NRXN3: variants seen among roughly 807,000 people sequenced by gnomAD.
NRXN3 encodes the protein neurexin 3, also known as neurexin III.
In NRXN3, 32 loss-of-function variants were observed where a neutral mutation model predicts 137.6. The ratio of observed to expected loss-of-function variants is 0.23; its 90% CI spans 0.18 to 0.31. The LOEUF is 0.31. Among genes scored for constraint, NRXN3 ranks in the 10% least tolerant of loss-of-function variants. The pLI, the probability that NRXN3 is intolerant of heterozygous loss-of-function variation, is 1.00. For missense variants in NRXN3, 1,574 were observed against 2,062.5 expected (o/e 0.76, Z 4.59); for synonymous variants, 798 against 784.5 (o/e 1.02, Z -0.29).
At chr14:79,359,679 T>G (rs2093617172) in intron 15 of NRXN3, among the ~76,000 whole-genome samples, 1 of 151,512 alleles carries the variant, frequency 6.6e-6, no homozygotes, top group African/African-American at 2.4e-5. Context: ...CAAGTGATTC[T>G]CCTGCCTCAG....
At chr14:79,355,257 C>T (rs1272182109) in intron 15 of NRXN3, among the ~76,000 whole-genome samples, 1 of 143,100 alleles carries the variant, frequency 7.0e-6, no homozygotes, top group Middle Eastern at 3.2e-3. Context: ...CTGTCCCCCA[C>T]CCCCTTCCTT....
intron 17 of NRXN3, among the ~76,000 whole-genome samples, chr14:79,691,225 T>C (rs2098715371): frequency 6.6e-6 from 1 of 152,046 alleles, no homozygotes; most frequent in African/African-American, 2.4e-5. Flanking sequence ...ATACTGGCAG[T>C]TAAAACCACT....
At chr14:78,282,129 G>C (rs567668881) in intron 3 of NRXN3, 1 of 502,858 alleles carries the variant, frequency 2.0e-6, no homozygotes, top group African/African-American at 1.9e-5. Flanking sequence ...CCCATTTGTG[G>C]CCTGGCAGGG....
chr14:78,579,534 T>TA (rs201034587), intron 4 of NRXN3, among the ~76,000 whole-genome samples: 161 of 137,808 alleles, frequency 1.2e-3, no homozygotes, highest in African/African-American at 1.6e-3. Flanking sequence ...TGGTGGTGGT[T>TA]AAAAAAAAAA....
chr14:78,238,480 C>T (rs1308470792), intron 1 of NRXN3, among the ~76,000 whole-genome samples: 1 of 152,172 alleles, frequency 6.6e-6, no homozygotes, highest in African/African-American at 2.4e-5. Flanking sequence ...GTCTAGCATG[C>T]CCCACCAGAG....
intron 15 of NRXN3, among the ~76,000 whole-genome samples, chr14:79,421,766 A>G (rs938764367): frequency 1.3e-5 from 2 of 152,200 alleles, no homozygotes; most frequent in African/African-American, 4.8e-5. Context: ...ACTTGCCCCA[A>G]TGCCACCTTT....
At chr14:78,947,252 T>C (rs1428041273) in intron 10 of NRXN3, among the ~76,000 whole-genome samples, 1 of 152,192 alleles carries the variant, frequency 6.6e-6, no homozygotes, top group Non-Finnish European at 1.5e-5. Flanking sequence ...GGCCTTGTAA[T>C]TACCATGCCA....
chr14:79,650,381 C>T (rs536512370), intron 16 of NRXN3, among the ~76,000 whole-genome samples: 1 of 152,240 alleles, frequency 6.6e-6, no homozygotes, highest in South Asian at 2.1e-4. Context: ...TTTCTCATTT[C>T]TCTTTTGTCC....
chr14:79,655,296 G>A (rs926784168), intron 16 of NRXN3, among the ~76,000 whole-genome samples: 2 of 152,154 alleles, frequency 1.3e-5, no homozygotes, highest in East Asian at 3.9e-4. Flanking sequence ...GCCACTTTCT[G>A]GCTCTGTGAG....
chr14:79,204,399 T>C (rs935207529), intron 15 of NRXN3, among the ~76,000 whole-genome samples: 5 of 151,906 alleles, frequency 3.3e-5, no homozygotes, highest in Admixed American at 1.3e-4. Flanking sequence ...AGGGATTTTA[T>C]GAAAAATTCC....
chr14:79,065,399 G>A (rs2099679538), intron 15 of NRXN3, among the ~76,000 whole-genome samples: 1 of 152,100 alleles, frequency 6.6e-6, no homozygotes, highest in African/African-American at 2.4e-5. Flanking sequence ...TGGACTTTAG[G>A]GTGGAACTGG....
rs1335092342 is a variant in NRXN3 at position 78,420,539 on chromosome 14, C to T, written c.757+122679C>T. ...CATTTACACTCCTCACCTTTCAGTG[C>T]TATCATTTGTTGCATTTGGGAACAA... On this transcript the variant is annotated intron_variant, in intron 4 of 20. Coordinates refer to ENST00000335750, the MANE Select transcript of NRXN3 (RefSeq NM_001330195.2). Among the ~76,000 whole-genome samples, 4 of 152,162 alleles carry T rather than the reference C, an allele frequency of 2.6e-5. 1 individual carries two copies. Among genetic ancestry groups the T allele is most frequent in the Middle Eastern group, 6.3e-3 (2 of 316 alleles).
intron 1 of NRXN3, among the ~76,000 whole-genome samples, chr14:78,171,408 C>T (rs2058713729): frequency 6.6e-6 from 1 of 151,794 alleles, no homozygotes; most frequent in Non-Finnish European, 1.5e-5. Context: ...AATCTTCCTC[C>T]ACTGCCTTCC....
intron 15 of NRXN3, among the ~76,000 whole-genome samples, chr14:79,004,254 A>C (rs60089514): frequency 0.049 from 7,407 of 152,056 alleles, 650 homozygotes; most frequent in African/African-American, 0.17. Context: ...TAGTGTTGAT[A>C]ATTTCTTTCT....
At chr14:78,556,735 T>C (rs2096740163) in intron 4 of NRXN3, among the ~76,000 whole-genome samples, 1 of 152,040 alleles carries the variant, frequency 6.6e-6, no homozygotes. Context: ...AACTTTAAGC[T>C]CCACTGAATT....
intron 15 of NRXN3, among the ~76,000 whole-genome samples, chr14:79,353,641 T>C (rs1262625599): frequency 2.0e-5 from 3 of 152,166 alleles, no homozygotes; most frequent in Admixed American, 6.5e-5. Flanking sequence ...ATAAGTATGA[T>C]GATGAAAGCC....
chr14:78,709,185 T>G, intron 6 of NRXN3, 32 bp from the exon 7 acceptor site: 1 of 1,581,020 alleles, frequency 6.3e-7, no homozygotes. Flanking sequence ...GCAAGATTGA[T>G]TCACATGGCA....
chr14:79,580,274 T>A (rs1465254778), intron 16 of NRXN3, among the ~76,000 whole-genome samples: 1 of 152,216 alleles, frequency 6.6e-6, no homozygotes, highest in Non-Finnish European at 1.5e-5. Context: ...GTCCCTTTGA[T>A]ATATTGATTT....
chr14:78,554,848 A>G (rs1029580871), intron 4 of NRXN3, among the ~76,000 whole-genome samples: 2 of 152,090 alleles, frequency 1.3e-5, no homozygotes, highest in African/African-American at 4.8e-5. Context: ...AGCTAACTCC[A>G]TTTTCTGGGA....
Sources: allele counts gnomAD v4.1 joint callset (sites outside exome capture counted in the v4.1 genomes callset), GRCh38; gene constraint gnomAD v4.1.1; transcripts MANE v1.5; gene names NCBI Gene and HGNC (gene_info 2026-07-23, HGNC 2026-07-21).